The following RAP1A variants were observed in gnomAD, a reference collection of about 807,000 sequenced individuals.
The protein encoded by RAP1A is RAP1A, member of RAS oncogene family.
RAP1A carries 6 observed loss-of-function variants against 26.4 expected under a neutral mutation model. The observed-to-expected ratio is 0.23, with a 90% CI of 0.12 to 0.45. The LOEUF (loss-of-function observed/expected upper bound fraction) is 0.45. Among genes scored for constraint, RAP1A ranks in the 20% least tolerant of loss-of-function variants. The pLI is 0.99. For synonymous variants in RAP1A, 73 were observed against 79.4 expected, an observed-to-expected ratio of 0.92 and a Z score of 0.43; for missense variants, 121 against 217.2, an observed-to-expected ratio of 0.56 and a Z score of 2.78.
intron 4 of RAP1A, among the ~76,000 whole-genome samples, chr1:111,699,084 C>T (rs950379866): frequency 1.1e-4 from 16 of 152,092 alleles, no homozygotes; most frequent in African/African-American, 1.2e-4. Context: ...GCACTCAACA[C>T]GCTGTGTTAT....
At chr1:111,650,143 G>A (rs1469776192) in intron 1 of RAP1A, among the ~76,000 whole-genome samples, 1 of 67,456 alleles carries the variant, frequency 1.5e-5, no homozygotes, top group Non-Finnish European at 2.8e-5. Context: ...TGTCTCATTT[G>A]ATCTTCACAA....
chr1:111,693,897 CT>C (rs11431985), intron 2 of RAP1A, among the ~76,000 whole-genome samples: 185 of 145,370 alleles, frequency 1.3e-3, no homozygotes, highest in Non-Finnish European at 1.5e-3. Context: ...ATTAGACTGC[CT>C]TTTTTTTTTT....
chr1:111,675,693 T>G (rs1661105812), intron 1 of RAP1A, among the ~76,000 whole-genome samples: 1 of 152,238 alleles, frequency 6.6e-6, no homozygotes, highest in South Asian at 2.1e-4. Context: ...TGCAAATGCC[T>G]GATTCAGAAT....
intron 2 of RAP1A, 68 bp from the exon 3 acceptor site, chr1:111,695,273 G>A (rs1273067666): frequency 8.9e-7 from 1 of 1,128,686 alleles, no homozygotes; most frequent in Admixed American, 2.9e-5. Context: ...ATTATAATTT[G>A]TAGGTTAAGT....
intron 1 of RAP1A, among the ~76,000 whole-genome samples, chr1:111,554,480 C>A (rs892615974): frequency 2.0e-5 from 3 of 152,206 alleles, no homozygotes; most frequent in African/African-American, 7.2e-5. Context: ...CACAGTAATC[C>A]AGAGCATTTG....
At chr1:111,685,532 A>T (rs190738886) in intron 1 of RAP1A, among the ~76,000 whole-genome samples, 74 of 152,390 alleles carry the variant, frequency 4.9e-4, no homozygotes, top group Middle Eastern at 3.4e-3. Context: ...AAAGCTGATC[A>T]TCACTGGTCG....
At chr1:111,612,893 G>C (rs903607335) in intron 1 of RAP1A, among the ~76,000 whole-genome samples, 2 of 152,124 alleles carry the variant, frequency 1.3e-5, no homozygotes, top group Non-Finnish European at 2.9e-5. Flanking sequence ...TCTATGAAGA[G>C]TATTGTCCAT....
At chr1:111,547,910 C>A (rs2101031780) in intron 1 of RAP1A, among the ~76,000 whole-genome samples, 1 of 152,360 alleles carries the variant, frequency 6.6e-6, no homozygotes, top group Non-Finnish European at 1.5e-5. Flanking sequence ...CTTTGGCCCT[C>A]CAGAAAGTAA....
chr1:111,656,591 C>T (rs1484214327), intron 1 of RAP1A, among the ~76,000 whole-genome samples: 1 of 152,134 alleles, frequency 6.6e-6, no homozygotes, highest in African/African-American at 2.4e-5. Flanking sequence ...ATCCAGTCTC[C>T]AGTGACCTCC....
At chr1:111,616,907 T>C (rs975898534), upstream of RAP1A, among the ~76,000 whole-genome samples, 1 of 152,224 alleles carries the variant, frequency 6.6e-6, no homozygotes, top group African/African-American at 2.4e-5. Context: ...TCTCCTTTAA[T>C]AGCCAACAGC....
At chr1:111,545,767 T>G (rs1335323178) in intron 1 of RAP1A, among the ~76,000 whole-genome samples, 1 of 152,256 alleles carries the variant, frequency 6.6e-6, no homozygotes, top group Admixed American at 6.5e-5. Flanking sequence ...TTATAGTTAG[T>G]TATTTGATCG....
chr1:111,606,650 G>T (rs1377458430), intron 1 of RAP1A, among the ~76,000 whole-genome samples: 2 of 152,152 alleles, frequency 1.3e-5, no homozygotes, highest in Non-Finnish European at 2.9e-5. Context: ...ACTCCTACTG[G>T]AGCAGAAGGG....
intron 1 of RAP1A, among the ~76,000 whole-genome samples, chr1:111,681,150 G>A (rs2101209608): frequency 6.6e-6 from 1 of 152,302 alleles, no homozygotes; most frequent in South Asian, 2.1e-4. Flanking sequence ...AGGAGGCTGA[G>A]GCAGGAGAAT....
At chr1:111,594,141 C>T (rs577550069) in intron 1 of RAP1A, among the ~76,000 whole-genome samples, 3 of 152,246 alleles carry the variant, frequency 2.0e-5, no homozygotes, top group South Asian at 2.1e-4. Flanking sequence ...ACCCCTATCC[C>T]GCATAAGTAT....
chr1:111,632,194 G>A (rs1015785076), intron 1 of RAP1A, among the ~76,000 whole-genome samples: 1 of 148,200 alleles, frequency 6.7e-6, no homozygotes, highest in Non-Finnish European at 1.5e-5. Flanking sequence ...ATAATTCTGG[G>A]TCATTTAATG....
At chr1:111,618,644 CAT>C (rs1659065785), upstream of RAP1A, among the ~76,000 whole-genome samples, 2 of 152,136 alleles carry the variant, frequency 1.3e-5, no homozygotes, top group South Asian at 4.1e-4. Flanking sequence ...TTAAACATAA[CAT>C]GTGTAAGAAA....
chr1:111,561,100 C>A (rs6693944), intron 1 of RAP1A, among the ~76,000 whole-genome samples: 12 of 152,064 alleles, frequency 7.9e-5, no homozygotes, highest in African/African-American at 2.7e-4. Flanking sequence ...TTCAAAGCTC[C>A]TCCCTACACA....
At chr1:111,696,939 A>G (rs1305840169) in intron 3 of RAP1A, among the ~76,000 whole-genome samples, 1 of 152,130 alleles carries the variant, frequency 6.6e-6, no homozygotes, top group Non-Finnish European at 1.5e-5. Context: ...TCTTAAACTC[A>G]GATTTTACTG....
chr1:111,562,153 C>T (rs963412617), intron 1 of RAP1A, among the ~76,000 whole-genome samples: 6 of 152,082 alleles, frequency 3.9e-5, no homozygotes, highest in Admixed American at 1.3e-4. Context: ...TTGTGGGCAA[C>T]GTGGACAAAT....
Sources: allele counts gnomAD v4.1 joint callset (sites outside exome capture counted in the v4.1 genomes callset), GRCh38; gene constraint gnomAD v4.1.1; transcripts MANE v1.5; gene names NCBI Gene and HGNC (gene_info 2026-07-23, HGNC 2026-07-21).